NUP93: variants seen among roughly 807,000 people sequenced by gnomAD.
NUP93 encodes the protein nuclear pore complex protein Nup93.
A neutral mutation model predicts 107.8 loss-of-function variants in NUP93; 55 were observed. The ratio of observed to expected loss-of-function variants is 0.51; its 90% CI spans 0.41 to 0.64. The LOEUF is 0.64. Ranked by LOEUF, NUP93 falls within the 30% of genes least tolerant of loss-of-function variation. The pLI is 0.00. For missense variants in NUP93, 937 were observed against 1,044.7 expected (o/e 0.90, Z 1.42); for synonymous variants, 390 against 397.5 (o/e 0.98, Z 0.22).
intron 3 of NUP93, among the ~76,000 whole-genome samples, chr16:56,781,215 T>C (rs1488095427): frequency 6.6e-6 from 1 of 152,194 alleles, no homozygotes; most frequent in Non-Finnish European, 1.5e-5. Flanking sequence ...AGGTCTGCAT[T>C]TTCCTGTGTC....
At chr16:56,803,453 AAAT>A (rs112927830) in intron 4 of NUP93, among the ~76,000 whole-genome samples, 45 of 151,954 alleles carry the variant, frequency 3.0e-4, no homozygotes, top group African/African-American at 1.1e-3. Flanking sequence ...CAACAGAAAA[AAAT>A]AATAATAATA....
chr16:56,757,779 C>G (rs2144480635), intron 2 of NUP93, among the ~76,000 whole-genome samples: 1 of 152,300 alleles, frequency 6.6e-6, no homozygotes, highest in South Asian at 2.1e-4. Flanking sequence ...GGAGAACTGG[C>G]CTTGAATTCT....
At chr16:56,747,738 A>G (rs1214334463) in intron 1 of NUP93, among the ~76,000 whole-genome samples, 1 of 152,108 alleles carries the variant, frequency 6.6e-6, no homozygotes. Flanking sequence ...GTGGATTGGA[A>G]TTTGTTCTTC....
At chr16:56,744,589 C>T (rs76616643) in intron 1 of NUP93, among the ~76,000 whole-genome samples, 5,884 of 152,240 alleles carry the variant, frequency 0.039, 161 homozygotes, top group Middle Eastern at 0.055. Context: ...TCATACATAT[C>T]TCTCTTCTTC....
chr16:56,770,865 C>T (rs1962307383), intron 3 of NUP93, among the ~76,000 whole-genome samples: 1 of 151,610 alleles, frequency 6.6e-6, no homozygotes, highest in Non-Finnish European at 1.5e-5. Flanking sequence ...AGATCGAGAC[C>T]ATCCTAGCTA....
intron 4 of NUP93, among the ~76,000 whole-genome samples, chr16:56,802,304 C>T (rs1181433120): frequency 6.8e-6 from 1 of 147,722 alleles, no homozygotes; most frequent in African/African-American, 2.5e-5. Flanking sequence ...CTCTTCCCCC[C>T]CACCCCCACC....
chr16:56,796,927 G>C (rs1197921069), intron 3 of NUP93, among the ~76,000 whole-genome samples: 1 of 151,652 alleles, frequency 6.6e-6, no homozygotes, highest in Non-Finnish European at 1.5e-5. Flanking sequence ...AGCCGAGATG[G>C]CGCCACTGCA....
intron 3 of NUP93, among the ~76,000 whole-genome samples, chr16:56,776,115 G>GA (rs1409951557): frequency 6.6e-6 from 1 of 151,028 alleles, no homozygotes; most frequent in Non-Finnish European, 1.5e-5. Flanking sequence ...AGGGATTGAT[G>GA]AAAAAATAGA....
At chr16:56,816,071 C>A (rs1408941701) in intron 5 of NUP93, among the ~76,000 whole-genome samples, 2 of 152,220 alleles carry the variant, frequency 1.3e-5, no homozygotes, top group African/African-American at 2.4e-5. Context: ...ACTGTGGATT[C>A]AAGCCACAGC....
rs182574142 is a variant in NUP93 at position 56,835,600 on chromosome 16, T to C, written c.1782+822T>C. Among the ~76,000 whole-genome samples the C allele has an allele frequency of 3.9e-4, 60 of 152,300 alleles. 1 individual carries two copies. The highest frequency in any genetic ancestry group is 1.4e-3 in the African/African-American group (57 of 41,586). ...ATGTGAGTTGACAGAGCTAGAAACA[T>C]AGATAAGACCTTATCCTCTGCTACC... On this transcript the variant is annotated intron_variant, in intron 16 of 21. Transcript: ENST00000308159.
chr16:56,745,432 AAGG>A (rs1334147458), intron 1 of NUP93, among the ~76,000 whole-genome samples: 55 of 152,254 alleles, frequency 3.6e-4, no homozygotes, highest in African/African-American at 1.3e-3. Flanking sequence ...CTGACTGTAA[AAGG>A]ATCACTGGTT....
chr16:56,776,671 C>T (rs1962421952), intron 3 of NUP93, among the ~76,000 whole-genome samples: 1 of 152,224 alleles, frequency 6.6e-6, no homozygotes, highest in African/African-American at 2.4e-5. Flanking sequence ...GCAACCACCA[C>T]CATCCCCCAT....
intron 1 of NUP93, among the ~76,000 whole-genome samples, chr16:56,743,594 A>G (rs1961772700): frequency 6.6e-6 from 1 of 152,148 alleles, no homozygotes; most frequent in Non-Finnish European, 1.5e-5. Flanking sequence ...GATTGGCAGC[A>G]GCAGTGGGGC....
intron 5 of NUP93, among the ~76,000 whole-genome samples, chr16:56,813,339 A>G (rs1963355171): frequency 1.3e-5 from 2 of 152,236 alleles, no homozygotes; most frequent in South Asian, 4.1e-4. Flanking sequence ...AGTGTTTTAC[A>G]ATAGGTGGAC....
At chr16:56,737,969 C>T (rs1446137537) in intron 1 of NUP93, among the ~76,000 whole-genome samples, 4 of 152,228 alleles carry the variant, frequency 2.6e-5, no homozygotes, top group Non-Finnish European at 5.9e-5. Context: ...GCCACAGGCC[C>T]TTTGGGGCCG....
At chr16:56,768,321 T>TG (rs1483235150) in intron 3 of NUP93, among the ~76,000 whole-genome samples, 1 of 152,130 alleles carries the variant, frequency 6.6e-6, no homozygotes, top group Non-Finnish European at 1.5e-5. Context: ...CCCAGCACTT[T>TG]GGGAGGCTGA....
chr16:56,839,223 T>G, intron 19 of NUP93, 154 bp downstream of exon 19: 1 of 415,322 alleles, frequency 2.4e-6, no homozygotes, highest in Non-Finnish European at 4.2e-6. Flanking sequence ...AAAAGGAGTT[T>G]CCTGTGTGGC....
At chr16:56,753,499 C>T (rs1435871777) in intron 2 of NUP93, among the ~76,000 whole-genome samples, 1 of 152,200 alleles carries the variant, frequency 6.6e-6, no homozygotes, top group Non-Finnish European at 1.5e-5. Flanking sequence ...AATGGATCAA[C>T]AGCATCAGCA....
intron 12 of NUP93, among the ~76,000 whole-genome samples, chr16:56,832,862 A>G (rs1019327420): frequency 3.3e-5 from 5 of 152,196 alleles, no homozygotes; most frequent in Non-Finnish European, 7.3e-5. Flanking sequence ...TGAAATCTTC[A>G]TTTCTCTCCT....
Sources: allele counts gnomAD v4.1 joint callset (sites outside exome capture counted in the v4.1 genomes callset), GRCh38; gene constraint gnomAD v4.1.1; transcripts MANE v1.5; gene names NCBI Gene and HGNC (gene_info 2026-07-23, HGNC 2026-07-21).